TMEM154: variants seen among roughly 807,000 people sequenced by gnomAD.
TMEM154 encodes the protein transmembrane protein 154.
In TMEM154, 27 loss-of-function variants were observed where a neutral mutation model predicts 24.5. That is an observed-to-expected ratio of 1.10 (90% CI 0.81 to 1.52). The LOEUF (loss-of-function observed/expected upper bound fraction) is 1.52, where lower values mean the gene tolerates loss of function less well. Among genes scored for constraint, TMEM154 ranks in the 40% most tolerant of loss-of-function variants. The pLI, the probability that TMEM154 is intolerant of heterozygous loss-of-function variation, is 0.00. For synonymous variants in TMEM154, 67 were observed against 76.8 expected (o/e 0.87, Z 0.67); for missense variants, 228 against 213.4 (o/e 1.07, Z -0.43).
At chr4:152,639,565 T>C (rs1182360565) in intron 6 of TMEM154, among the ~76,000 whole-genome samples, 1 of 150,016 alleles carries the variant, frequency 6.7e-6, no homozygotes, top group Non-Finnish European at 1.5e-5. Context: ...TGCTTGTTAA[T>C]CAATCTCTCT....
At chr4:152,663,592 G>A (rs939537762) in intron 1 of TMEM154, among the ~76,000 whole-genome samples, 2 of 152,214 alleles carry the variant, frequency 1.3e-5, no homozygotes, top group Admixed American at 6.5e-5. Flanking sequence ...CTGCTGTTAG[G>A]TGGCCAAGTC....
chr4:152,653,111 A>G (rs1198644012), intron 1 of TMEM154, among the ~76,000 whole-genome samples, 184 bp from the exon 2 acceptor site: 1 of 152,222 alleles, frequency 6.6e-6, no homozygotes, highest in African/African-American at 2.4e-5. Flanking sequence ...CTGGGAGTGT[A>G]TTGAATATGG....
chr4:152,661,961 T>C (rs1485721607), intron 1 of TMEM154, among the ~76,000 whole-genome samples: 2 of 152,206 alleles, frequency 1.3e-5, no homozygotes, highest in Non-Finnish European at 2.9e-5. Flanking sequence ...GGTAGCACAA[T>C]TTATATACTT....
At chr4:152,662,125 C>A (rs546030724) in intron 1 of TMEM154, among the ~76,000 whole-genome samples, 1 of 152,224 alleles carries the variant, frequency 6.6e-6, no homozygotes, top group South Asian at 2.1e-4. Flanking sequence ...CTGCAATAAA[C>A]CTCTCTGCTC....
In TMEM154 at chr4:152,623,278, G is replaced by A. The variant is rs75889906; in HGVS notation, c.*5268C>T. 6 of 144,116 alleles carry A rather than the reference G, an allele frequency of 4.2e-5. No homozygotes were observed. The highest frequency in any genetic ancestry group is 6.1e-5 in the Non-Finnish European group (4 of 65,298). The allele number at this position is 144,116 out of a possible 1,614,324, so 8.9% of individuals were successfully genotyped here. A position where few individuals can be genotyped will look rare whatever the true frequency, so the allele number is the denominator to read the frequency against. Reference sequence around the variant, plus strand: ...AAAACAAAAGAAAGTCAAACACAGTGTTTTTTTTTTTTACATAATTTTCAG... The same window carrying A: ...AAAACAAAAGAAAGTCAAACACAGTATTTTTTTTTTTTACATAATTTTCAG... On this transcript the variant is annotated 3_prime_UTR_variant, in exon 7 of 7. Transcript: ENST00000304385.
chr4:152,673,439 T>A (rs1225935410), intron 1 of TMEM154, among the ~76,000 whole-genome samples: 1 of 152,218 alleles, frequency 6.6e-6, no homozygotes, highest in African/African-American at 2.4e-5. Context: ...TAGCTGGGAC[T>A]ACAGGCATGC....
At chr4:152,667,054 G>A (rs111959170) in intron 1 of TMEM154, 1 of 152,182 alleles carries the variant, frequency 6.6e-6, no homozygotes, top group Admixed American at 6.5e-5. Flanking sequence ...TTATTATCTG[G>A]AATTACTTCA....
intron 1 of TMEM154, among the ~76,000 whole-genome samples, chr4:152,655,225 G>A (rs1364421030): frequency 1.3e-5 from 2 of 152,224 alleles, no homozygotes; most frequent in Non-Finnish European, 1.5e-5. Flanking sequence ...GGAAGGAGAG[G>A]GAAATAAGGC....
intron 6 of TMEM154, among the ~76,000 whole-genome samples, chr4:152,636,323 C>T (rs1249732215): frequency 4.6e-5 from 7 of 152,246 alleles, no homozygotes; most frequent in African/African-American, 1.7e-4. Context: ...CCTCCTCCCA[C>T]TGACACTTTG....
chr4:152,631,792 CCTTTTTTTTTTTT>C (rs869280889), intron 6 of TMEM154, among the ~76,000 whole-genome samples: 6,539 of 131,306 alleles, frequency 0.05, 179 homozygotes, highest in Non-Finnish European at 0.07. Flanking sequence ...AATCTATCCC[CCTTTTTTTTTTTT>C]TTTTTTTTTT....
At chr4:152,655,497 C>A (rs184459863) in intron 1 of TMEM154, among the ~76,000 whole-genome samples, 1 of 152,176 alleles carries the variant, frequency 6.6e-6, no homozygotes, top group East Asian at 1.9e-4. Flanking sequence ...CCAGCCCCCA[C>A]CAGACTGTAT....
At chr4:152,630,420 A>C (rs1441524274) in intron 6 of TMEM154, among the ~76,000 whole-genome samples, 1 of 151,824 alleles carries the variant, frequency 6.6e-6, no homozygotes, top group East Asian at 1.9e-4. Context: ...AACCCCTTTC[A>C]CTTATGTCAC....
At chr4:152,648,269 G>A (rs1344443288) in intron 3 of TMEM154, among the ~76,000 whole-genome samples, 1 of 152,158 alleles carries the variant, frequency 6.6e-6, no homozygotes, top group Admixed American at 6.5e-5. Context: ...GATCACTTGA[G>A]CCTAGGAGTT....
chr4:152,643,811 G>A (rs370381447), intron 4 of TMEM154, among the ~76,000 whole-genome samples: 2 of 152,190 alleles, frequency 1.3e-5, no homozygotes, highest in South Asian at 2.1e-4. Context: ...TAGAGGAAGC[G>A]ATAAAGTTTC....
intron 1 of TMEM154, among the ~76,000 whole-genome samples, chr4:152,674,222 G>C (rs1728907473): frequency 6.6e-6 from 1 of 152,078 alleles, no homozygotes; most frequent in East Asian, 1.9e-4. Context: ...ACAAAGGTGT[G>C]GGCCCAGGGA....
At position 152,678,473 on chromosome 4, in the gene TMEM154, C is replaced by A. The variant is rs544860876; in HGVS notation, c.64+1397G>T. 3.6e-4 allele frequency among the ~76,000 whole-genome samples: 53 copies of A among 146,082 alleles called. No homozygotes were observed. In the East Asian group the frequency reaches 8.1e-3, roughly 22 times the overall value. ...GGCTAGGCTTTTCTTCCCTGATGTC[C>A]TACTACGAAAGGTTCCAGAGCTCTT... On this transcript the variant is annotated intron_variant, in intron 1 of 6. Coordinates refer to ENST00000304385, the MANE Select transcript of TMEM154 (RefSeq NM_152680.3).
chr4:152,679,813 C>A, intron 1 of TMEM154, 57 bp downstream of exon 1: 1 of 1,571,516 alleles, frequency 6.4e-7, no homozygotes, highest in Admixed American at 1.9e-5. Flanking sequence ...TAGCCTCGGG[C>A]ACCCTACCAG....
rs753364698 is a variant in TMEM154 at position 152,620,234 on chromosome 4, A to G, written c.*8312T>C. On this transcript the variant is annotated 3_prime_UTR_variant, in exon 7 of 7. Transcript: ENST00000304385. The stretch of plus-strand genomic sequence containing the variant: ...CTCCACTGCAACCTTAAAGAGGATC[A>G]TATGCTGTTTATGTCAGCTCTAGTA... The G allele has an allele frequency of 6.6e-6, 1 of 152,232 alleles. No individual in the cohort carries two copies. Among genetic ancestry groups the G allele is most frequent in the East Asian group, 1.9e-4 (1 of 5,194 alleles). The allele number at this position is 152,232 out of a possible 1,614,324, so 9.4% of individuals were successfully genotyped here.
At chr4:152,654,736 A>C (rs529226401) in intron 1 of TMEM154, among the ~76,000 whole-genome samples, 1 of 152,320 alleles carries the variant, frequency 6.6e-6, no homozygotes, top group Non-Finnish European at 1.5e-5. Flanking sequence ...GTTCTCACCA[A>C]ATACTAAATC....
Sources: allele counts gnomAD v4.1 joint callset (sites outside exome capture counted in the v4.1 genomes callset), GRCh38; gene constraint gnomAD v4.1.1; transcripts MANE v1.5; gene names NCBI Gene and HGNC (gene_info 2026-07-23, HGNC 2026-07-21).